Variants in KANSL3 observed in about 807,000 individuals in gnomAD.
The protein encoded by KANSL3 is NSL complex protein NSL3.
In KANSL3, 16 loss-of-function variants were observed where a neutral mutation model predicts 89.2. That is an observed-to-expected ratio of 0.18 (90% CI 0.12 to 0.27). The LOEUF (loss-of-function observed/expected upper bound fraction) is 0.27, where lower values mean the gene tolerates loss of function less well. KANSL3 is among the 10% of genes least tolerant of loss of function. The pLI is 1.00. For missense variants in KANSL3, 879 were observed against 1,110.6 expected (o/e 0.79, Z 2.96); for synonymous variants, 385 against 419.7 (o/e 0.92, Z 1.01).
At chr2:96,621,419 C>T (rs911631604) in intron 3 of KANSL3, among the ~76,000 whole-genome samples, 21 of 151,388 alleles carry the variant, frequency 1.4e-4, no homozygotes, top group African/African-American at 5.1e-4. Flanking sequence ...GAGGCTGAGG[C>T]AGAAGAAGCA....
chr2:96,636,122 C>T (rs1371635862), intron 2 of KANSL3, among the ~76,000 whole-genome samples: 1 of 152,084 alleles, frequency 6.6e-6, no homozygotes, highest in Non-Finnish European at 1.5e-5. Flanking sequence ...AAATTAAAAC[C>T]AGTGCTTAAG....
At chr2:96,599,998 G>A (rs1473476811) in intron 20 of KANSL3, among the ~76,000 whole-genome samples, 1 of 152,066 alleles carries the variant, frequency 6.6e-6, no homozygotes, top group African/African-American at 2.4e-5. Context: ...AGGTACACAA[G>A]AATAAACAAG....
intron 3 of KANSL3, among the ~76,000 whole-genome samples, chr2:96,627,620 C>T (rs768230845): frequency 6.6e-6 from 1 of 152,152 alleles, no homozygotes; most frequent in Non-Finnish European, 1.5e-5. Context: ...AGACAAAGAG[C>T]AATCAGTAAA....
At chr2:96,590,981 G>A (rs1027830648), downstream of KANSL3, among the ~76,000 whole-genome samples, 10 of 150,410 alleles carry the variant, frequency 6.6e-5, no homozygotes, top group Non-Finnish European at 1.2e-4. Flanking sequence ...GCAAGACTCC[G>A]TCTCAAAAAA....
At chr2:96,595,823 G>A (rs148580252) in intron 20 of KANSL3, among the ~76,000 whole-genome samples, 192 bp from the exon 21 acceptor site, 63 of 152,326 alleles carry the variant, frequency 4.1e-4, no homozygotes, top group African/African-American at 1.5e-3. Context: ...ACTCTAGAGT[G>A]AGAGACTCAA....
chr2:96,607,274 G>A (rs533367681), intron 14 of KANSL3, among the ~76,000 whole-genome samples: 8 of 152,102 alleles, frequency 5.3e-5, no homozygotes, highest in East Asian at 1.9e-4. Context: ...ACAGCAATGC[G>A]AGTGCCATGA....
Position 96,610,976 on chromosome 2 carries a change from A to C in KANSL3, c.1161+88T>G, listed in dbSNP as rs1573413680. The C allele has an allele frequency of 4.5e-6, 7 of 1,572,858 alleles. No individual in the cohort carries two copies. The East Asian group carries it at 6.7e-5, about 15-fold the overall frequency. On this transcript the variant is annotated intron_variant, in intron 10 of 20. Coordinates refer to ENST00000431828, the MANE Select transcript of KANSL3 (RefSeq NM_001115016.3). ...TAAGGAGGATCAGCCATGCAACTGC[A>C]GTCAGCCTCAGCATCAGCTTGGACA...
chr2:96,582,417 A>G, the KANSL3 span, among the ~76,000 whole-genome samples: 1 of 152,120 alleles, frequency 6.6e-6, no homozygotes, highest in Non-Finnish European at 1.5e-5. Context: ...AAAGAAGAAA[A>G]TCAATAACTC....
downstream of KANSL3, among the ~76,000 whole-genome samples, chr2:96,592,846 A>T (rs553437835): frequency 1.2e-4 from 18 of 152,102 alleles, no homozygotes; most frequent in Non-Finnish European, 2.4e-4. Flanking sequence ...TACTAAAAAC[A>T]CAAAAAATTA....
At position 96,593,244 on chromosome 2, in the gene KANSL3, C is replaced by T. The variant is rs1042581004; in HGVS notation, c.*2367G>A. Reference sequence around the variant, plus strand: ...ATCACAGCCGCTCAGCTCTATAACCCATCCAGCCCAAGACTGTTCTAGTGG... The same window carrying T: ...ATCACAGCCGCTCAGCTCTATAACCTATCCAGCCCAAGACTGTTCTAGTGG... On this transcript the variant is annotated 3_prime_UTR_variant, in exon 21 of 21. Transcript: ENST00000431828. The T allele has an allele frequency of 2.2e-6, 1 of 455,934 alleles. No individual in the cohort carries two copies. The highest frequency in any genetic ancestry group is 2.0e-5 in the African/African-American group (1 of 50,044). The allele number at this position is 455,934 out of a possible 1,614,324, so 28.2% of individuals were successfully genotyped here.
chr2:96,626,629 T>C (rs2072378030), intron 3 of KANSL3, among the ~76,000 whole-genome samples: 1 of 152,210 alleles, frequency 6.6e-6, no homozygotes. Flanking sequence ...GTATCATGTG[T>C]CAGGAAAATT....
At chr2:96,615,975 A>T (rs773606756) in intron 5 of KANSL3, among the ~76,000 whole-genome samples, 1 of 152,252 alleles carries the variant, frequency 6.6e-6, no homozygotes, top group Non-Finnish European at 1.5e-5. Context: ...GGCAATTTTC[A>T]TCTAAAGATA....
chr2:96,637,463 G>A (rs746780111), intron 1 of KANSL3, among the ~76,000 whole-genome samples: 18 of 152,154 alleles, frequency 1.2e-4, no homozygotes, highest in Non-Finnish European at 2.5e-4. Flanking sequence ...GAAAGACCTC[G>A]CGTGGACAGA....
intron 5 of KANSL3, among the ~76,000 whole-genome samples, chr2:96,615,904 T>C (rs922015320): frequency 1.1e-4 from 16 of 152,130 alleles, no homozygotes; most frequent in Non-Finnish European, 1.8e-4. Flanking sequence ...ATAACTGCCA[T>C]GAAAGAAACA....
At chr2:96,623,257 CG>C (rs1340589266) in intron 3 of KANSL3, among the ~76,000 whole-genome samples, 1 of 152,150 alleles carries the variant, frequency 6.6e-6, no homozygotes, top group Non-Finnish European at 1.5e-5. Flanking sequence ...CATATTAATG[CG>C]GAGGAGCAAA....
At chr2:96,600,791 C>G in intron 20 of KANSL3, 1 of 985,388 alleles carries the variant, frequency 1.0e-6, no homozygotes, top group Non-Finnish European at 1.2e-6. Context: ...ATCATGACTT[C>G]CTGGGTGAGA....
chr2:96,598,624 C>T (rs78324116), intron 20 of KANSL3, among the ~76,000 whole-genome samples: 3,783 of 152,156 alleles, frequency 0.025, 164 homozygotes, highest in African/African-American at 0.088. Context: ...TAGAAGGAAA[C>T]GTTGGCCGGA....
intron 6 of KANSL3, 46 bp downstream of exon 6, chr2:96,613,442 T>C (rs764457325): frequency 1.3e-6 from 2 of 1,547,904 alleles, no homozygotes; most frequent in South Asian, 2.4e-5. Context: ...GGCTTGAGTC[T>C]AAAATTTTTA....
At chr2:96,627,637 G>A (rs1169943809) in intron 3 of KANSL3, among the ~76,000 whole-genome samples, 2 of 152,132 alleles carry the variant, frequency 1.3e-5, no homozygotes, top group Non-Finnish European at 2.9e-5. Context: ...TAAACTCTCC[G>A]GGAAAGAACT....
Sources: allele counts gnomAD v4.1 joint callset (sites outside exome capture counted in the v4.1 genomes callset), GRCh38; gene constraint gnomAD v4.1.1; transcripts MANE v1.5; gene names NCBI Gene and HGNC (gene_info 2026-07-23, HGNC 2026-07-21).